The following NRXN3 variants were observed in gnomAD, a reference collection of about 807,000 sequenced individuals.
NRXN3 encodes the protein neurexin III.
A neutral mutation model predicts 137.6 loss-of-function variants in NRXN3; 32 were observed. The ratio of observed to expected loss-of-function variants is 0.23; its 90% CI spans 0.18 to 0.31. The LOEUF is 0.31. NRXN3 is among the 10% of genes least tolerant of loss of function. The pLI, the probability that NRXN3 is intolerant of heterozygous loss-of-function variation, is 1.00. For missense variants in NRXN3, 1,574 were observed against 2,062.5 expected (o/e 0.76, Z 4.59); for synonymous variants, 798 against 784.5 (o/e 1.02, Z -0.29).
At chr14:79,202,624 A>T (rs1412485437) in intron 15 of NRXN3, among the ~76,000 whole-genome samples, 1 of 152,176 alleles carries the variant, frequency 6.6e-6, no homozygotes, top group Non-Finnish European at 1.5e-5. Flanking sequence ...CAGTGAGAAC[A>T]TACGATGTTT....
chr14:78,984,320 T>C (rs2099497358), intron 14 of NRXN3, among the ~76,000 whole-genome samples: 1 of 152,206 alleles, frequency 6.6e-6, no homozygotes, highest in Admixed American at 6.5e-5. Flanking sequence ...AAACATAACA[T>C]TGTATCCCAT....
chr14:78,732,368 A>G (rs574348998), intron 8 of NRXN3, among the ~76,000 whole-genome samples: 6 of 152,228 alleles, frequency 3.9e-5, no homozygotes, highest in Admixed American at 6.5e-5. Flanking sequence ...TATGAACAAT[A>G]AAACAGTCTA....
intron 6 of NRXN3, among the ~76,000 whole-genome samples, chr14:78,708,859 G>T (rs1481588466): frequency 2.0e-5 from 3 of 152,132 alleles, no homozygotes; most frequent in African/African-American, 7.2e-5. Context: ...GTTGTTTCTG[G>T]TATTTTACTA....
chr14:79,212,151 A>G (rs2067768900), intron 15 of NRXN3, among the ~76,000 whole-genome samples: 1 of 152,190 alleles, frequency 6.6e-6, no homozygotes, highest in South Asian at 2.1e-4. Flanking sequence ...CTCAGCAGCC[A>G]GGAAAACAGA....
chr14:78,426,464 G>A (rs889746167), intron 4 of NRXN3, among the ~76,000 whole-genome samples: 3 of 152,144 alleles, frequency 2.0e-5, no homozygotes, highest in African/African-American at 7.2e-5. Context: ...AACAAAAGAT[G>A]GATTAAGAAG....
intron 10 of NRXN3, among the ~76,000 whole-genome samples, chr14:78,913,781 G>A (rs1473885149): frequency 6.6e-6 from 1 of 152,036 alleles, no homozygotes; most frequent in African/African-American, 2.4e-5. Context: ...ATGAAATCTG[G>A]ACTGCTTTGT....
intron 4 of NRXN3, among the ~76,000 whole-genome samples, chr14:78,549,520 C>T (rs2096666485): frequency 6.6e-6 from 1 of 152,168 alleles, no homozygotes; most frequent in Non-Finnish European, 1.5e-5. Flanking sequence ...ATTATCTGCT[C>T]AAGTTTCTGG....
chr14:79,717,923 G>A (rs2098829147), intron 19 of NRXN3, among the ~76,000 whole-genome samples: 1 of 152,112 alleles, frequency 6.6e-6, no homozygotes, highest in Non-Finnish European at 1.5e-5. Context: ...GGGAGAGCAG[G>A]GTGATTCCTG....
At chr14:78,750,274 T>TG (rs1381491617) in intron 8 of NRXN3, among the ~76,000 whole-genome samples, 1 of 152,248 alleles carries the variant, frequency 6.6e-6, no homozygotes, top group Non-Finnish European at 1.5e-5. Context: ...CTCAAACACT[T>TG]GCAGAGCAGA....
At chr14:78,426,965 G>A (rs1482749776) in intron 4 of NRXN3, among the ~76,000 whole-genome samples, 1 of 152,120 alleles carries the variant, frequency 6.6e-6, no homozygotes, top group Non-Finnish European at 1.5e-5. Flanking sequence ...GTTTGATGCT[G>A]TTTGCAGAAT....
chr14:79,714,294 T>C (rs1248262453), intron 19 of NRXN3, among the ~76,000 whole-genome samples: 1 of 152,172 alleles, frequency 6.6e-6, no homozygotes, highest in East Asian at 1.9e-4. Flanking sequence ...CAAGCTACAT[T>C]TTACTTCCAT....
At chr14:78,440,336 C>T (rs1162840853) in intron 4 of NRXN3, among the ~76,000 whole-genome samples, 1 of 152,154 alleles carries the variant, frequency 6.6e-6, no homozygotes, top group Non-Finnish European at 1.5e-5. Context: ...CTGCAGGCCC[C>T]ATCACCTTCT....
intron 15 of NRXN3, among the ~76,000 whole-genome samples, chr14:79,020,431 ATT>A (rs144058950): frequency 1.2e-4 from 17 of 138,724 alleles, no homozygotes; most frequent in African/African-American, 1.9e-4. Context: ...ACGCCTGGCT[ATT>A]TTTTTTTTTT....
At position 78,450,197 on chromosome 14, in the gene NRXN3, C is replaced by G. The variant is rs187622912; in HGVS notation, c.757+152337C>G. Among the ~76,000 whole-genome samples, 168 of 152,214 alleles carry G rather than the reference C, an allele frequency of 1.1e-3. 1 individual carries two copies. Among genetic ancestry groups the G allele is most frequent in the African/African-American group, 3.6e-3 (150 of 41,540 alleles). On this transcript the variant is annotated intron_variant, in intron 4 of 20. Transcript: ENST00000335750. ...ACCGCAATATCTCTAATACTGTTAC[C>G]CAGTCATTTGTACTGTTATTGTTAG... is the stretch of plus-strand genomic sequence containing the variant.
At chr14:79,433,920 C>T (rs1296746931) in intron 15 of NRXN3, among the ~76,000 whole-genome samples, 1 of 152,130 alleles carries the variant, frequency 6.6e-6, no homozygotes, top group African/African-American at 2.4e-5. Flanking sequence ...TTTCACAATG[C>T]AAAAGTTGAA....
intron 11 of NRXN3, among the ~76,000 whole-genome samples, chr14:78,963,888 C>T (rs184394314): frequency 6.6e-6 from 1 of 152,112 alleles, no homozygotes; most frequent in Admixed American, 6.5e-5. Context: ...ACCTTAGCCT[C>T]CTGAATAGTT....
intron 15 of NRXN3, among the ~76,000 whole-genome samples, chr14:79,020,243 C>T (rs2099587150): frequency 6.6e-5 from 1 of 15,040 alleles, no homozygotes; most frequent in Non-Finnish European, 1.2e-4. Context: ...CCTCCCCTCC[C>T]CTCCCCTCCC....
chr14:78,430,468 G>T (rs774465268), intron 4 of NRXN3, among the ~76,000 whole-genome samples: 1 of 152,182 alleles, frequency 6.6e-6, no homozygotes, highest in Non-Finnish European at 1.5e-5. Flanking sequence ...GAGGCTAAGT[G>T]ACTTTCATAA....
At chr14:79,692,623 C>A (rs978682313) in intron 18 of NRXN3, among the ~76,000 whole-genome samples, 7 of 151,820 alleles carry the variant, frequency 4.6e-5, no homozygotes, top group African/African-American at 1.7e-4. Context: ...AAAGAAATTC[C>A]AAAAGGGCTT....
Sources: gnomAD v4.1 joint callset for allele counts (sites outside exome capture counted in the v4.1 genomes callset) on GRCh38, gnomAD v4.1.1 for gene constraint, MANE v1.5 for transcripts, NCBI Gene and HGNC (gene_info 2026-07-23, HGNC 2026-07-21) for gene names.